The following GFRA1 variants were observed in gnomAD, a reference collection of about 807,000 sequenced individuals.
GFRA1 encodes the protein GDNF family receptor alpha 1.
Under a neutral mutation model 51.6 loss-of-function variants are expected in GFRA1, and 16 were observed. The ratio of observed to expected loss-of-function variants is 0.31; its 90% CI spans 0.21 to 0.47. GFRA1 has a LOEUF of 0.47. GFRA1 is among the 20% of genes least tolerant of loss of function. The pLI is 1.00. For synonymous variants in GFRA1, 270 were observed against 241.3 expected (o/e 1.12, Z -1.10); for missense variants, 530 against 594.3 (o/e 0.89, Z 1.13).
intron 5 of GFRA1, among the ~76,000 whole-genome samples, chr10:116,140,742 T>C (rs73370404): frequency 0.012 from 1,902 of 152,306 alleles, 39 homozygotes; most frequent in African/African-American, 0.044. Flanking sequence ...TAAAGACTTC[T>C]TTAAACTGTC....
intron 5 of GFRA1, among the ~76,000 whole-genome samples, chr10:116,202,504 C>T (rs551985290): frequency 5.4e-4 from 82 of 152,194 alleles, no homozygotes; most frequent in African/African-American, 1.6e-3. Flanking sequence ...TCCATTCTCA[C>T]CCTGCTATAA....
rs771105328 is a variant in GFRA1 at position 116,270,954 on chromosome 10, C to T, written c.202G>A (p.Ala68Thr). The part of the protein sequence containing the change: ...TNFSLASGLE[A>T]KDECRSAMEA... ...ATGGCGCTGCGGCACTCATCCTTGG[C>T]CTCCAGGCCGGATGCCAGGCTGAAG... Residue 68 changes from alanine (A) to threonine (T), a missense_variant, in exon 3 of 11, where the codon GCC becomes ACC. Physicochemically the swap from Ala to Thr is moderately conservative, Grantham distance 58. Transcript: ENST00000355422. 1.9e-6 allele frequency: 3 copies of T among 1,614,202 alleles called. No homozygotes were observed. Among genetic ancestry groups the T allele is most frequent in the South Asian group, 1.1e-5 (1 of 91,092 alleles).
intron 5 of GFRA1, among the ~76,000 whole-genome samples, chr10:116,135,038 A>G (rs1010423583): frequency 2.0e-5 from 3 of 152,136 alleles, no homozygotes; most frequent in Admixed American, 1.3e-4. Context: ...GAAGTTTTCT[A>G]CTTGTTTGTG....
chr10:116,120,619 A>G (rs1957602951), intron 6 of GFRA1, among the ~76,000 whole-genome samples: 1 of 152,208 alleles, frequency 6.6e-6, no homozygotes. Context: ...AAAAAAGAGA[A>G]GCATTCAATT....
At chr10:116,255,824 A>G in intron 4 of GFRA1, 1 of 1,098,740 alleles carries the variant, frequency 9.1e-7, no homozygotes, top group Non-Finnish European at 1.2e-6. Flanking sequence ...AGTTCGCAAA[A>G]AACCTGAGTT....
chr10:116,082,733 T>C (rs562630917), intron 9 of GFRA1, among the ~76,000 whole-genome samples: 2 of 152,232 alleles, frequency 1.3e-5, no homozygotes, highest in African/African-American at 2.4e-5. Context: ...CCGCCTTGGC[T>C]TCCCAAAGTG....
In GFRA1 at chr10:116,266,176, C is replaced by T. The variant is rs549272731; in HGVS notation, c.418+3327G>A. 9.2e-4 allele frequency among the ~76,000 whole-genome samples: 140 copies of T among 152,186 alleles called. 1 individual carries two copies. The highest frequency in any genetic ancestry group is 3.4e-4 in the Non-Finnish European group (23 of 68,024). ...TCCAAGGAAAATGGAAACACAAGAA[C>T]GTCAAACATGTCTTGTTCCTTGCGA... On this transcript the variant is annotated intron_variant, in intron 4 of 10. Coordinates refer to ENST00000355422, the MANE Select transcript of GFRA1 (RefSeq NM_005264.8).
intron 4 of GFRA1, among the ~76,000 whole-genome samples, chr10:116,217,026 G>A (rs910086315): frequency 6.6e-6 from 1 of 152,148 alleles, no homozygotes; most frequent in Non-Finnish European, 1.5e-5. Context: ...TGAATGCAGT[G>A]AATTTTTTCT....
In GFRA1 at chr10:116,062,144, C is replaced by G; in HGVS notation, c.*2254G>C. 1 of 398,572 alleles carries G rather than the reference C, an allele frequency of 2.5e-6. No homozygotes were observed. Among genetic ancestry groups the G allele is most frequent in the Non-Finnish European group, 4.4e-6 (1 of 226,032 alleles). The allele number at this position is 398,572 out of a possible 1,614,324, so 24.7% of individuals were successfully genotyped here. A position where few individuals can be genotyped will look rare whatever the true frequency, so the allele number is the denominator to read the frequency against. On this transcript the variant is annotated 3_prime_UTR_variant, in exon 11 of 11. Transcript: ENST00000355422. ...AAACTCCCATTTCCGCTTTGGTCAT[C>G]TGATGCTAATTAGAGCTGCTGTTAC... is the stretch of plus-strand genomic sequence containing the variant.
rs75039425 is a variant in GFRA1, at chr10:116,092,264, C to T, written c.1015+1438G>A. 8.1e-3 allele frequency among the ~76,000 whole-genome samples: 1,236 copies of T among 152,172 alleles called. 9 individuals are homozygous for T. Among genetic ancestry groups the T allele is most frequent in the Non-Finnish European group, 0.014 (939 of 68,014 alleles). On this transcript the variant is annotated intron_variant, in intron 8 of 10. Transcript: ENST00000355422. The stretch of plus-strand genomic sequence containing the variant: ...TGAATTTCACTTAAGAATCCAAAAG[C>T]TTGTTTTATTTTTAAGAGGCCCAAA...
At chr10:116,261,721 T>G (rs556630523) in intron 4 of GFRA1, among the ~76,000 whole-genome samples, 2 of 152,280 alleles carry the variant, frequency 1.3e-5, no homozygotes, top group Admixed American at 6.5e-5. Context: ...AGAAAAATAG[T>G]TGCTGAATAA....
rs1589753342 is a variant in GFRA1 at position 116,059,159 on chromosome 10, C to A, written c.*5239G>T. 1 of 152,342 alleles carries A rather than the reference C, an allele frequency of 6.6e-6. No homozygotes were observed. The highest frequency in any genetic ancestry group is 1.5e-5 in the Non-Finnish European group (1 of 68,042). The allele number at this position is 152,342 out of a possible 1,614,324, so 9.4% of individuals were successfully genotyped here. ...TACGATGCCAATAGGCCAGTTCTTGCTACCGTATGACAGAATAAAGCCCTT... is the reference window on the plus strand; with the variant it reads ...TACGATGCCAATAGGCCAGTTCTTGATACCGTATGACAGAATAAAGCCCTT... On this transcript the variant is annotated 3_prime_UTR_variant, in exon 11 of 11. Coordinates refer to ENST00000355422, the MANE Select transcript of GFRA1 (RefSeq NM_005264.8).
intron 5 of GFRA1, among the ~76,000 whole-genome samples, chr10:116,198,524 T>C (rs1179804945): frequency 6.6e-6 from 1 of 152,246 alleles, no homozygotes; most frequent in Non-Finnish European, 1.5e-5. Context: ...ATTTACATTT[T>C]AATTCTTTAA....
intron 4 of GFRA1, among the ~76,000 whole-genome samples, chr10:116,223,329 T>C (rs1336860533): frequency 2.0e-5 from 3 of 152,254 alleles, no homozygotes; most frequent in Admixed American, 6.5e-5. Context: ...CATATTATCC[T>C]ACACTCTATA....
At chr10:116,136,942 C>T (rs1958350893) in intron 5 of GFRA1, among the ~76,000 whole-genome samples, 1 of 152,144 alleles carries the variant, frequency 6.6e-6, no homozygotes. Flanking sequence ...GACGTCAGCT[C>T]TGAAAATAAT....
chr10:116,159,491 T>C (rs909912013), intron 5 of GFRA1, among the ~76,000 whole-genome samples: 11 of 152,122 alleles, frequency 7.2e-5, no homozygotes, highest in Non-Finnish European at 1.6e-4. Context: ...GGACATGTCA[T>C]AGAACAGGGG....
chr10:116,211,749 G>A (rs1004655749), intron 4 of GFRA1, 104 bp from the exon 5 acceptor site: 2 of 941,450 alleles, frequency 2.1e-6, no homozygotes, highest in Non-Finnish European at 1.7e-6. Context: ...GACATATGCT[G>A]ACTTTGCTAA....
intron 5 of GFRA1, among the ~76,000 whole-genome samples, chr10:116,149,800 T>A (rs1264169238): frequency 4.6e-5 from 7 of 152,114 alleles, no homozygotes; most frequent in African/African-American, 1.4e-4. Context: ...AGGATATGAG[T>A]GTGGCTTCCT....
chr10:116,095,273 C>T (rs978880931), intron 7 of GFRA1, among the ~76,000 whole-genome samples: 2 of 152,256 alleles, frequency 1.3e-5, no homozygotes, highest in African/African-American at 4.8e-5. Flanking sequence ...CTGTGGATTA[C>T]TGACCACCTA....
Sources: allele counts gnomAD v4.1 joint callset (sites outside exome capture counted in the v4.1 genomes callset), GRCh38; gene constraint gnomAD v4.1.1; transcripts MANE v1.5; gene names NCBI Gene and HGNC (gene_info 2026-07-23, HGNC 2026-07-21).